NPEPL1: variants seen among roughly 807,000 people sequenced by gnomAD.
NPEPL1 encodes the protein aminopeptidase like 1, also known as probable aminopeptidase NPEPL1.
NPEPL1 carries 45 observed loss-of-function variants against 52.4 expected under a neutral mutation model. That is an observed-to-expected ratio of 0.86 (90% CI 0.68 to 1.10). NPEPL1 has a LOEUF of 1.10. Ranked by LOEUF, NPEPL1 falls within the 50% of genes least tolerant of loss-of-function variation. The probability of loss-of-function intolerance (pLI) is 0.00; values close to 1 mark genes in which losing one functional copy is unlikely to be tolerated. For missense variants in NPEPL1, 696 were observed against 710.9 expected, an observed-to-expected ratio of 0.98 and a Z score of 0.24; for synonymous variants, 360 against 314.7, an observed-to-expected ratio of 1.14 and a Z score of -1.52.
At chr20:58,705,175 T>A (rs1399021350) in intron 6 of NPEPL1, among the ~76,000 whole-genome samples, 1 of 152,234 alleles carries the variant, frequency 6.6e-6, no homozygotes, top group African/African-American at 2.4e-5. Context: ...TTTCTGGAAG[T>A]AAGAGGCTCA....
intron 5 of NPEPL1, among the ~76,000 whole-genome samples, chr20:58,700,333 C>T (rs1440116903): frequency 2.6e-5 from 4 of 152,182 alleles, no homozygotes; most frequent in African/African-American, 9.7e-5. Flanking sequence ...CAGGGGCCAT[C>T]CTGGTGGTGT....
rs114898926 is a variant in NPEPL1 at position 58,707,456 on chromosome 20, C to T, written c.900+256C>T. 6.6e-3 allele frequency among the ~76,000 whole-genome samples: 1,001 copies of T among 152,358 alleles called. 10 individuals carry two copies. Among genetic ancestry groups the T allele is most frequent in the African/African-American group, 0.023 (950 of 41,584 alleles). On this transcript the variant is annotated intron_variant, in intron 7 of 11. Transcript: ENST00000356091. ...TCAGGGCCTGCCTTGGCTCCAGAGC[C>T]CCATGAGCGGTTGGCTCAATGAGGA...
At chr20:58,696,132 A>G (rs2123091645) in intron 3 of NPEPL1, among the ~76,000 whole-genome samples, 1 of 152,146 alleles carries the variant, frequency 6.6e-6, no homozygotes, top group Admixed American at 6.5e-5. Flanking sequence ...CTCAAGCATC[A>G]CCCTTATTTC....
chr20:58,715,127 A>T, intron 11 of NPEPL1, 41 bp from the exon 12 acceptor site: 1 of 1,563,126 alleles, frequency 6.4e-7, no homozygotes, highest in Non-Finnish European at 8.6e-7. Context: ...CCTGTGCTGC[A>T]GCCCCACGCC....
intron 5 of NPEPL1, among the ~76,000 whole-genome samples, chr20:58,700,359 C>G (rs761017594): frequency 2.4e-4 from 36 of 152,150 alleles, no homozygotes; most frequent in Non-Finnish European, 4.9e-4. Context: ...TAGACAGGAG[C>G]CATTTACAAG....
At chr20:58,700,779 T>C (rs118022815) in intron 5 of NPEPL1, among the ~76,000 whole-genome samples, 468 of 152,368 alleles carry the variant, frequency 3.1e-3, no homozygotes, top group Non-Finnish European at 5.0e-3. Context: ...TTAGTGGGTT[T>C]TCTTGCTTAA....
chr20:58,694,853 T>A (rs540600189), intron 3 of NPEPL1, among the ~76,000 whole-genome samples: 1 of 152,336 alleles, frequency 6.6e-6, no homozygotes, highest in African/African-American at 2.4e-5. Context: ...GGAACGTCCA[T>A]GCTGTTTTCC....
At position 58,713,063 on chromosome 20, in the gene NPEPL1, T is replaced by C; in HGVS notation, c.1002-357T>C. 1 of 347,272 alleles carries C rather than the reference T, an allele frequency of 2.9e-6. No homozygotes were observed. The highest frequency in any genetic ancestry group is 2.9e-5 in the South Asian group (1 of 34,944). 21.5% of individuals were successfully genotyped at this position (347,272 alleles called of 1,614,324 possible). ...GTGCCTGAGTGGGCGCCTCCCCGCA[T>C]CTCCTGCTCTTCCTCCCCATCTGCC... On this transcript the variant is annotated intron_variant, in intron 8 of 11. Transcript: ENST00000356091. The surrounding 1 kb of genome is among the most constrained non-coding windows in gnomAD (Gnocchi z 4.6).
At chr20:58,695,076 TGTG>T (rs1453163479) in intron 3 of NPEPL1, among the ~76,000 whole-genome samples, 10 of 134,798 alleles carry the variant, frequency 7.4e-5, no homozygotes, top group Non-Finnish European at 1.4e-4. Context: ...GAGTGGTGTG[TGTG>T]GTGTACGTGT....
rs201863920 is a variant in NPEPL1, at chr20:58,694,373, C to G, written c.337-49C>G. ...GTTCAAAGAGCAGCTCCCTGCACTC[C>G]CTGGTGGCGGCCCTTGCACCCCTCA... On this transcript the variant is annotated intron_variant, in intron 2 of 11. Transcript: ENST00000356091. The G allele has an allele frequency of 1.5e-4, 226 of 1,544,236 alleles. No individual in the cohort carries two copies. The African/African-American group carries it at 2.9e-3, about 20-fold the overall frequency.
At chr20:58,706,065 C>T (rs764394328) in intron 6 of NPEPL1, among the ~76,000 whole-genome samples, 28 of 152,206 alleles carry the variant, frequency 1.8e-4, no homozygotes, top group Non-Finnish European at 3.4e-4. Flanking sequence ...TGAGGACCTG[C>T]TGTTAATTTA....
At chr20:58,690,223 A>T (rs2084324146), upstream of NPEPL1, among the ~76,000 whole-genome samples, 2 of 152,252 alleles carry the variant, frequency 1.3e-5, no homozygotes, top group South Asian at 4.1e-4. Flanking sequence ...TCTTTTCTTC[A>T]ACTTTGGAGC....
At chr20:58,707,048 G>A in intron 6 of NPEPL1, 75 bp from the exon 7 acceptor site, 1 of 1,441,556 alleles carries the variant, frequency 6.9e-7, no homozygotes. Flanking sequence ...GGGCCGGGTG[G>A]GGGTGGGGGG....
In NPEPL1 at chr20:58,714,503, G is replaced by A. The variant is rs2084916902; in HGVS notation, c.1303-57G>A. ...CAATAGTGACAGGCGATGGGGCAGG[G>A]TGGAGAGGGCCCGGCCGGAGCAACC... is the stretch of plus-strand genomic sequence containing the variant. On this transcript the variant is annotated intron_variant, in intron 10 of 11. Coordinates refer to ENST00000356091, the MANE Select transcript of NPEPL1 (RefSeq NM_024663.4). The A allele has an allele frequency of 6.9e-6, 9 of 1,300,682 alleles. No individual in the cohort carries two copies. The South Asian group carries it at 1.2e-4, about 18-fold the overall frequency. The allele number at this position is 1,300,682 out of a possible 1,614,324, so 80.6% of individuals were successfully genotyped here.
chr20:58,691,364 C>CTTTTTTTTTTT (rs59929508), upstream of NPEPL1: 9 of 177,278 alleles, frequency 5.1e-5, 3 homozygotes, highest in South Asian at 8.2e-5. Flanking sequence ...CATTCAACAG[C>CTTTTTTTTTTT]TTTTTTTTTT....
At position 58,692,808 on chromosome 20, in the gene NPEPL1, G is replaced by C. The variant is rs2084380550; in HGVS notation, c.-93G>C. 1 of 974,998 alleles carries C rather than the reference G, an allele frequency of 1.0e-6. No homozygotes were observed. Among genetic ancestry groups the C allele is most frequent in the South Asian group, 4.6e-5 (1 of 21,942 alleles). 60.4% of individuals were successfully genotyped at this position (974,998 alleles called of 1,614,324 possible). The stretch of plus-strand genomic sequence containing the variant: ...CCCGCGGGCTGCCGGGCAGGGCCGG[G>C]GCGGTGCCGAGGCCGGGCCGGAGCG... On this transcript the variant is annotated 5_prime_UTR_variant, in exon 1 of 12. Transcript: ENST00000356091. The surrounding 1 kb of genome is among the most constrained non-coding windows in gnomAD (Gnocchi z 5.7).
intron 4 of NPEPL1, 104 bp from the exon 5 acceptor site, chr20:58,699,093 G>C (rs964565925): frequency 3.6e-6 from 4 of 1,107,868 alleles, no homozygotes; most frequent in African/African-American, 3.1e-5. Context: ...GCTCCCCGAC[G>C]CGGCACAGGC....
At chr20:58,707,052 T>TGGGGGGGGGGGGGGGGGGGGGGGGGGG in intron 6 of NPEPL1, 71 bp from the exon 7 acceptor site, 1 of 1,257,896 alleles carries the variant, frequency 7.9e-7, no homozygotes. Flanking sequence ...CGGGTGGGGG[T>TGGGGGGGGGGGGGGGGGGGGGGGGGGG]GGGGGGCTTC....
At chr20:58,711,571 G>A (rs1255783780) in intron 7 of NPEPL1, 2 of 152,420 alleles carry the variant, frequency 1.3e-5, no homozygotes, top group Non-Finnish European at 2.9e-5. Flanking sequence ...GTGCTGCGTG[G>A]GGGTGCGGGG....
Sources: allele counts gnomAD v4.1 joint callset (sites outside exome capture counted in the v4.1 genomes callset), GRCh38; gene constraint gnomAD v4.1.1; non-coding constraint Gnocchi (gnomAD v3.1); transcripts MANE v1.5; gene names NCBI Gene and HGNC (gene_info 2026-07-23, HGNC 2026-07-21).